The following DPP10 variants were observed in gnomAD, a reference collection of about 807,000 sequenced individuals.
DPP10 encodes the protein inactive dipeptidyl peptidase 10.
Under a neutral mutation model 120.9 loss-of-function variants are expected in DPP10, and 33 were observed. That is an observed-to-expected ratio of 0.27 (90% CI 0.21 to 0.37). The LOEUF is 0.37. DPP10 is among the 10% of genes least tolerant of loss of function. DPP10 has a pLI of 1.00. For missense variants in DPP10, 816 were observed against 942.8 expected (o/e 0.87, Z 1.76); for synonymous variants, 337 against 326.1 (o/e 1.03, Z -0.36).
chr2:114,981,109 G>A (rs761958959), intron 1 of DPP10, among the ~76,000 whole-genome samples: 1 of 151,270 alleles, frequency 6.6e-6, no homozygotes, highest in African/African-American at 2.4e-5. Context: ...AGGGCAATTT[G>A]ACTGTATTTC....
intron 5 of DPP10, among the ~76,000 whole-genome samples, chr2:115,629,266 C>CAT (rs1365520580): frequency 2.6e-5 from 4 of 152,176 alleles, no homozygotes; most frequent in Admixed American, 6.5e-5. Flanking sequence ...AATAGTGCTG[C>CAT]AATAAACATA....
At chr2:115,683,819 A>G (rs532933736) in intron 5 of DPP10, among the ~76,000 whole-genome samples, 1 of 152,074 alleles carries the variant, frequency 6.6e-6, no homozygotes, top group Non-Finnish European at 1.5e-5. Flanking sequence ...TCTATGTTGT[A>G]TCATAGTAAA....
At chr2:114,959,776 T>C (rs1406270840) in intron 1 of DPP10, among the ~76,000 whole-genome samples, 1 of 152,230 alleles carries the variant, frequency 6.6e-6, no homozygotes, top group Non-Finnish European at 1.5e-5. Context: ...GGATATGCAG[T>C]TGAATGCTAT....
intron 1 of DPP10, among the ~76,000 whole-genome samples, chr2:115,004,880 C>A (rs1476765286): frequency 6.6e-6 from 1 of 152,182 alleles, no homozygotes; most frequent in African/African-American, 2.4e-5. Flanking sequence ...CTCAAGGAGG[C>A]CTGCCTGCCT....
chr2:115,303,712 T>G (rs1368151644), intron 1 of DPP10, among the ~76,000 whole-genome samples: 3 of 152,002 alleles, frequency 2.0e-5, no homozygotes, highest in Non-Finnish European at 4.4e-5. Context: ...TTCTCAGACT[T>G]TATGCTCACT....
intron 4 of DPP10, among the ~76,000 whole-genome samples, chr2:115,503,016 A>G (rs1405095593): frequency 6.6e-6 from 1 of 152,042 alleles, no homozygotes; most frequent in Non-Finnish European, 1.5e-5. Flanking sequence ...TAGAATATAT[A>G]TCTTATGCAT....
At chr2:115,045,027 T>C (rs922171098) in intron 1 of DPP10, among the ~76,000 whole-genome samples, 1 of 152,214 alleles carries the variant, frequency 6.6e-6, no homozygotes, top group African/African-American at 2.4e-5. Flanking sequence ...TGTTGATGGA[T>C]ACTTTGGTAG....
Position 115,384,499 on chromosome 2 carries a change from AAAG to A in DPP10, c.271+40600_271+40602del, listed in dbSNP as rs201659021. ...AGAAGGAAGAAGAAGAAGAAGAGGA[AAAG>A]AAGAAGAAGAAGGAAGAAGAGGAAG... On this transcript the variant is annotated intron_variant, in intron 3 of 25. Coordinates refer to ENST00000410059, the MANE Select transcript of DPP10 (RefSeq NM_020868.6). Among the ~76,000 whole-genome samples, 505 of 149,998 alleles carry A rather than the reference AAAG, an allele frequency of 3.4e-3. 13 individuals are homozygous for A. The East Asian group carries it at 0.072, about 21-fold the overall frequency.
Position 115,525,992 on chromosome 2 carries a change from T to G in DPP10, c.441+20T>G, listed in dbSNP as rs2078112058. 1 of 1,583,102 alleles carries G rather than the reference T, an allele frequency of 6.3e-7. No individual in the cohort carries two copies. Among genetic ancestry groups the G allele is most frequent in the Non-Finnish European group, 8.6e-7 (1 of 1,163,902 alleles). ...AAACAGGTAAAGGAGTGATCTTCTT[T>G]GAGAATACTTTTCTTTGTGATGCAT... On this transcript the variant is annotated intron_variant, in intron 5 of 25. Transcript: ENST00000410059.
chr2:115,843,656 A>G lies in DPP10; in HGVS notation c.*1311A>G, dbSNP rs1025086378. Reference sequence around the variant, plus strand: ...CAATTCCTGTGCTGTGTTGACTTGCAGTAGTAAGTAACTGAGAGCATAAAA... The same window carrying G: ...CAATTCCTGTGCTGTGTTGACTTGCGGTAGTAAGTAACTGAGAGCATAAAA... On this transcript the variant is annotated 3_prime_UTR_variant, in exon 26 of 26. Transcript: ENST00000410059. The G allele has an allele frequency of 6.6e-6, 1 of 152,206 alleles. No homozygotes were observed. The highest frequency in any genetic ancestry group is 1.5e-5 in the Non-Finnish European group (1 of 68,030). The allele number at this position is 152,206 out of a possible 1,614,324, so 9.4% of individuals were successfully genotyped here.
chr2:115,814,758 G>T (rs751928279), intron 19 of DPP10, 35 bp from the exon 20 acceptor site: 1 of 1,434,600 alleles, frequency 7.0e-7, no homozygotes, highest in Non-Finnish European at 9.3e-7. Flanking sequence ...ATTTTCAGTT[G>T]CTCTTGTTTT....
intron 3 of DPP10, among the ~76,000 whole-genome samples, chr2:115,471,653 C>A (rs1446161463): frequency 6.6e-6 from 1 of 151,696 alleles, no homozygotes; most frequent in African/African-American, 2.4e-5. Context: ...GTGGCATGAT[C>A]ATTGCTCACT....
intron 17 of DPP10, among the ~76,000 whole-genome samples, chr2:115,786,341 A>G (rs1312331735): frequency 6.6e-6 from 1 of 152,202 alleles, no homozygotes; most frequent in Non-Finnish European, 1.5e-5. Flanking sequence ...GAGCAAAACT[A>G]TATGAGGCCA....
At chr2:114,895,968 C>A (rs193171928) in intron 1 of DPP10, among the ~76,000 whole-genome samples, 13 of 152,262 alleles carry the variant, frequency 8.5e-5, no homozygotes, top group Non-Finnish European at 1.5e-4. Context: ...TCAGTTTTCC[C>A]AGCACCATTT....
At chr2:114,913,318 G>A (rs1285099962) in intron 1 of DPP10, among the ~76,000 whole-genome samples, 4 of 152,128 alleles carry the variant, frequency 2.6e-5, no homozygotes, top group Middle Eastern at 3.4e-3. Context: ...TACCACCCCC[G>A]CACTGAAGCA....
intron 3 of DPP10, among the ~76,000 whole-genome samples, chr2:115,475,029 G>C (rs1224032767): frequency 1.3e-5 from 2 of 151,716 alleles, no homozygotes. Context: ...TGGTAGAAAA[G>C]AAAAGCCATT....
chr2:114,692,253 G>C (rs1343405478), intron 1 of DPP10, among the ~76,000 whole-genome samples: 1 of 151,796 alleles, frequency 6.6e-6, no homozygotes, highest in Non-Finnish European at 1.5e-5. Flanking sequence ...CACTGCTTTA[G>C]CTGCATCCCA....
intron 1 of DPP10, among the ~76,000 whole-genome samples, chr2:114,679,527 A>G (rs769565503): frequency 6.6e-6 from 1 of 151,930 alleles, no homozygotes; most frequent in Non-Finnish European, 1.5e-5. Context: ...CTTTCTAAGA[A>G]AGTAGAAAAA....
chr2:114,559,015 C>A (rs1173605037), intron 1 of DPP10, among the ~76,000 whole-genome samples: 3 of 152,158 alleles, frequency 2.0e-5, no homozygotes, highest in Non-Finnish European at 4.4e-5. Context: ...AATACATCTC[C>A]ATGTCGACAT....
Sources: gnomAD v4.1 joint callset for allele counts (sites outside exome capture counted in the v4.1 genomes callset) on GRCh38, gnomAD v4.1.1 for gene constraint, MANE v1.5 for transcripts, NCBI Gene and HGNC (gene_info 2026-07-23, HGNC 2026-07-21) for gene names.